E2F5: variants seen among roughly 807,000 people sequenced by gnomAD.
The protein encoded by E2F5 is E2F transcription factor 5.
In E2F5, 23 loss-of-function variants were observed where a neutral mutation model predicts 39.1. The ratio of observed to expected loss-of-function variants is 0.59; its 90% CI spans 0.42 to 0.83. The LOEUF is 0.83. Among genes scored for constraint, E2F5 ranks in the 40% least tolerant of loss-of-function variants. E2F5 has a pLI of 0.00. For synonymous variants in E2F5, 145 were observed against 157.8 expected (o/e 0.92, Z 0.61); for missense variants, 365 against 406.7 (o/e 0.90, Z 0.88).
At chr8:85,212,422 T>C (rs990503965) in intron 7 of E2F5, 4 of 496,698 alleles carry the variant, frequency 8.1e-6, no homozygotes, top group African/African-American at 7.9e-5. Context: ...CATATGGGGA[T>C]ACTTCTCACC....
chr8:85,201,228 G>C (rs1028345976), intron 1 of E2F5, among the ~76,000 whole-genome samples: 2 of 152,162 alleles, frequency 1.3e-5, no homozygotes, highest in Non-Finnish European at 2.9e-5. Context: ...GCGAAGCTGG[G>C]AGAGCTGTTA....
At chr8:85,208,831 C>T (rs1022621991) in intron 5 of E2F5, among the ~76,000 whole-genome samples, 1 of 152,248 alleles carries the variant, frequency 6.6e-6, no homozygotes, top group Non-Finnish European at 1.5e-5. Context: ...TGGAGAATAC[C>T]TGGAGCATTG....
Position 85,209,185 on chromosome 8 carries a change from A to G in E2F5, c.659A>G (p.His220Arg). The change falls in exon 6 of 8, where the codon CAT becomes CGT. Residue 220 changes from histidine to arginine, a missense_variant. Coordinates refer to ENST00000416274, the MANE Select transcript of E2F5 (RefSeq NM_001951.4). ...AAATACCAGATCAATCTAAAGAGTC[A>G]TTCAGGACCTATCCATGTGCTGCTT... ...QKKYQINLKS[H>R]SGPIHVLLIN... 6.2e-6 allele frequency: 10 copies of G among 1,614,070 alleles called. No individual in the cohort carries two copies. The highest frequency in any genetic ancestry group is 8.5e-6 in the Non-Finnish European group (10 of 1,179,914).
chr8:85,205,909 T>G (rs1812793651), intron 3 of E2F5, among the ~76,000 whole-genome samples: 1 of 152,176 alleles, frequency 6.6e-6, no homozygotes, highest in South Asian at 2.1e-4. Flanking sequence ...CAGAAACCTT[T>G]GCCTCCATGA....
chr8:85,188,513 A>G (rs1345745612), intron 1 of E2F5, among the ~76,000 whole-genome samples: 1 of 152,156 alleles, frequency 6.6e-6, no homozygotes, highest in African/African-American at 2.4e-5. Context: ...GCACTGAGGC[A>G]GGCCAGAAGC....
At chr8:85,189,608 A>T (rs1264866150) in intron 1 of E2F5, among the ~76,000 whole-genome samples, 5 of 151,982 alleles carry the variant, frequency 3.3e-5, no homozygotes, top group Non-Finnish European at 7.4e-5. Context: ...GCCCCAAGTG[A>T]TCCACCCGCC....
chr8:85,208,351 A>G, intron 5 of E2F5, among the ~76,000 whole-genome samples: 1 of 152,196 alleles, frequency 6.6e-6, no homozygotes, highest in South Asian at 2.1e-4. Flanking sequence ...ACAACAACAC[A>G]TCTACAATTG....
Position 85,202,133 on chromosome 8 carries a change from T to C in E2F5, c.235-14T>C. The C allele has an allele frequency of 6.2e-7, 1 of 1,604,796 alleles. No homozygotes were observed. The highest frequency in any genetic ancestry group is 8.5e-7 in the Non-Finnish European group (1 of 1,173,478). ...GCCCTTTATTTCACTGTTCTCGTTG[T>C]CTTTCCTGAACAGGCTGCTGATACT... On this transcript the variant is annotated splice_polypyrimidine_tract_variant and intron_variant, in intron 1 of 7. Transcript: ENST00000416274.
chr8:85,177,321 C>G lies in E2F5; in HGVS notation c.-100C>G. ...GACCCGCACTACCGCTCTCGGCGGG[C>G]GGGGAAGCGGCCGCAGCGGAGCCGA... is the stretch of plus-strand genomic sequence containing the variant. On this transcript the variant is annotated 5_prime_UTR_variant, in exon 1 of 8. Transcript: ENST00000416274. 1 of 930,926 alleles carries G rather than the reference C, an allele frequency of 1.1e-6. No homozygotes were observed. 57.7% of individuals were successfully genotyped at this position (930,926 alleles called of 1,614,324 possible).
rs4150864 is a variant in E2F5, at chr8:85,186,742, A to G, written c.234+9088A>G. 4.0e-3 allele frequency among the ~76,000 whole-genome samples: 589 copies of G among 147,712 alleles called. 2 individuals are homozygous for G. Among genetic ancestry groups the G allele is most frequent in the African/African-American group, 0.014 (558 of 40,528 alleles). Reference sequence around the variant, plus strand: ...GGTGTATATATGATATATATAAGGTATATATATGGTATATATAAGGTGTAT... The same window carrying G: ...GGTGTATATATGATATATATAAGGTGTATATATGGTATATATAAGGTGTAT... On this transcript the variant is annotated intron_variant, in intron 1 of 7. Coordinates refer to ENST00000416274, the MANE Select transcript of E2F5 (RefSeq NM_001951.4).
chr8:85,207,023 A>G (rs984968869), intron 4 of E2F5, among the ~76,000 whole-genome samples: 1 of 152,170 alleles, frequency 6.6e-6, no homozygotes, highest in East Asian at 1.9e-4. Flanking sequence ...ATTTGGCTTC[A>G]AAAATAATAA....
intron 1 of E2F5, among the ~76,000 whole-genome samples, chr8:85,198,027 C>T (rs1326344022): frequency 1.3e-5 from 2 of 152,158 alleles, no homozygotes; most frequent in African/African-American, 4.8e-5. Context: ...TTAATAGCTC[C>T]TTTCCTTTCT....
rs574919503 is a variant in E2F5, at chr8:85,211,531, A to G, written c.884-626A>G. On this transcript the variant is annotated intron_variant, in intron 6 of 7. Coordinates refer to ENST00000416274, the MANE Select transcript of E2F5 (RefSeq NM_001951.4). ...ATGTGTGAGATCTGGAGATAAAGTTAACAGGAATGGAAAGTGATGTTGAAG... is the reference window on the plus strand; with the variant it reads ...ATGTGTGAGATCTGGAGATAAAGTTGACAGGAATGGAAAGTGATGTTGAAG... Among the ~76,000 whole-genome samples, 7 of 152,218 alleles carry G rather than the reference A, an allele frequency of 4.6e-5. No homozygotes were observed. The South Asian group carries it at 8.3e-4, about 18-fold the overall frequency.
chr8:85,196,991 C>G (rs1017635677), intron 1 of E2F5, among the ~76,000 whole-genome samples: 1 of 152,114 alleles, frequency 6.6e-6, no homozygotes, highest in Non-Finnish European at 1.5e-5. Flanking sequence ...TATTTTAATT[C>G]TCATTAAAAT....
chr8:85,214,283 G>A lies in E2F5; in HGVS notation c.*421G>A, dbSNP rs775984431. 14 of 569,730 alleles carry A rather than the reference G, an allele frequency of 2.5e-5. No homozygotes were observed. Among genetic ancestry groups the A allele is most frequent in the Middle Eastern group, 2.7e-4 (1 of 3,708 alleles). 35.3% of individuals were successfully genotyped at this position (569,730 alleles called of 1,614,324 possible). The stretch of plus-strand genomic sequence containing the variant: ...TGTATGTCCTTCTATCCAAACAGAC[G>A]TTCACTGCCACTTGTAAAGTGAAGG... On this transcript the variant is annotated 3_prime_UTR_variant, in exon 8 of 8. Coordinates refer to ENST00000416274, the MANE Select transcript of E2F5 (RefSeq NM_001951.4).
intron 1 of E2F5, among the ~76,000 whole-genome samples, chr8:85,184,792 A>G (rs1404499804): frequency 6.6e-6 from 1 of 152,242 alleles, no homozygotes; most frequent in African/African-American, 2.4e-5. Flanking sequence ...ATACCTAGGA[A>G]TCCAACTTAC....
At position 85,207,501 on chromosome 8, in the gene E2F5, A is replaced by C; in HGVS notation, c.615+12A>C. ...CCATTCCAGAAATGGTATGTAGGAT[A>C]ACTTATGTTTATATAAGTGGGAAAA... On this transcript the variant is annotated intron_variant, in intron 5 of 7. Coordinates refer to ENST00000416274, the MANE Select transcript of E2F5 (RefSeq NM_001951.4). 1 of 1,548,990 alleles carries C rather than the reference A, an allele frequency of 6.5e-7. No individual in the cohort carries two copies. The highest frequency in any genetic ancestry group is 8.7e-7 in the Non-Finnish European group (1 of 1,145,750).
chr8:85,186,436 C>T (rs1219337725), intron 1 of E2F5, among the ~76,000 whole-genome samples: 1 of 151,702 alleles, frequency 6.6e-6, no homozygotes, highest in African/African-American at 2.4e-5. Context: ...AGCAAACCAC[C>T]ATGGCACATG....
At chr8:85,200,568 A>G (rs976373689) in intron 1 of E2F5, among the ~76,000 whole-genome samples, 1 of 152,176 alleles carries the variant, frequency 6.6e-6, no homozygotes, top group Non-Finnish European at 1.5e-5. Context: ...TGCTGTTGCT[A>G]TGGCTGTGAA....
Sources: allele counts gnomAD v4.1 joint callset (sites outside exome capture counted in the v4.1 genomes callset), GRCh38; gene constraint gnomAD v4.1.1; transcripts MANE v1.5; gene names NCBI Gene and HGNC (gene_info 2026-07-23, HGNC 2026-07-21).